SMYD3: variants seen among roughly 807,000 people sequenced by gnomAD.
The protein encoded by SMYD3 is histone-lysine N-methyltransferase SMYD3.
In SMYD3, 36 loss-of-function variants were observed where a neutral mutation model predicts 57.7. The observed-to-expected ratio is 0.62, with a 90% CI of 0.48 to 0.82. SMYD3 has a LOEUF of 0.82. Ranked by LOEUF, SMYD3 falls within the 40% of genes least tolerant of loss-of-function variation. The pLI is 0.00. For synonymous variants in SMYD3, 211 were observed against 195.0 expected (o/e 1.08, Z -0.68); for missense variants, 515 against 538.8 (o/e 0.96, Z 0.44).
intron 5 of SMYD3, among the ~76,000 whole-genome samples, chr1:246,070,023 C>T (rs1189471356): frequency 1.3e-5 from 2 of 152,264 alleles, no homozygotes; most frequent in East Asian, 3.9e-4. Context: ...AGGCCTAAAT[C>T]TGTGTTCAGA....
chr1:246,354,848 T>C (rs559864704), intron 2 of SMYD3, among the ~76,000 whole-genome samples, 183 bp downstream of exon 2: 2 of 152,294 alleles, frequency 1.3e-5, no homozygotes, highest in East Asian at 1.9e-4. Flanking sequence ...TAACCATATA[T>C]ATTTAACATC....
Position 245,854,912 on chromosome 1 carries a change from C to A in SMYD3, c.1076+3584G>T, listed in dbSNP as rs148756318. Among the ~76,000 whole-genome samples the A allele has an allele frequency of 1.6e-4, 25 of 152,214 alleles. No homozygotes were observed. The South Asian group carries it at 3.3e-3, about 20-fold the overall frequency. ...TGGAACCATTGTTCATGTTTTCTGGCGAAGGTTAGGATTACTGTTTACTTT... is the reference window on the plus strand; with the variant it reads ...TGGAACCATTGTTCATGTTTTCTGGAGAAGGTTAGGATTACTGTTTACTTT... On this transcript the variant is annotated intron_variant, in intron 10 of 11. Coordinates refer to ENST00000490107, the MANE Select transcript of SMYD3 (RefSeq NM_001167740.2).
intron 1 of SMYD3, among the ~76,000 whole-genome samples, chr1:246,467,293 T>C (rs1440305466): frequency 6.6e-6 from 1 of 152,190 alleles, no homozygotes; most frequent in Non-Finnish European, 1.5e-5. Context: ...AGATTTCACA[T>C]ACTTTAGGAT....
intron 5 of SMYD3, among the ~76,000 whole-genome samples, chr1:246,265,627 CA>C (rs1410738920): frequency 1.3e-5 from 2 of 152,160 alleles, no homozygotes; most frequent in African/African-American, 4.8e-5. Flanking sequence ...TCAGTATAAA[CA>C]AAACAACAAT....
intron 5 of SMYD3, among the ~76,000 whole-genome samples, chr1:246,114,500 C>T (rs1324641414): frequency 6.6e-6 from 1 of 152,234 alleles, no homozygotes; most frequent in Non-Finnish European, 1.5e-5. Context: ...TATACCCCAG[C>T]AGCACAATCC....
intron 5 of SMYD3, among the ~76,000 whole-genome samples, chr1:246,231,382 T>C (rs2063406616): frequency 6.6e-6 from 1 of 152,152 alleles, no homozygotes; most frequent in South Asian, 2.1e-4. Flanking sequence ...ATAAAATAAG[T>C]AAATATATAT....
chr1:245,803,424 G>A (rs952813919), intron 10 of SMYD3, among the ~76,000 whole-genome samples: 3 of 145,236 alleles, frequency 2.1e-5, no homozygotes, highest in Non-Finnish European at 4.4e-5. Context: ...CCAATTTCAC[G>A]TATGAACTGG....
At chr1:246,041,644 TA>T (rs1364343765) in intron 5 of SMYD3, among the ~76,000 whole-genome samples, 1 of 152,116 alleles carries the variant, frequency 6.6e-6, no homozygotes, top group East Asian at 1.9e-4. Context: ...TAGGTAACGC[TA>T]AAGGAAGAGA....
chr1:245,836,952 C>T (rs2050134407), intron 10 of SMYD3, among the ~76,000 whole-genome samples: 1 of 152,164 alleles, frequency 6.6e-6, no homozygotes, highest in South Asian at 2.1e-4. Flanking sequence ...CAGGATTTTT[C>T]AGGAGTGGGG....
intron 1 of SMYD3, among the ~76,000 whole-genome samples, chr1:246,505,615 A>T (rs2068525645): frequency 6.6e-6 from 1 of 152,154 alleles, no homozygotes. Context: ...TTAAAGCAAC[A>T]CTGAGAACTC....
At chr1:246,498,693 T>C (rs1300665641) in intron 1 of SMYD3, among the ~76,000 whole-genome samples, 1 of 140,640 alleles carries the variant, frequency 7.1e-6, no homozygotes, top group Non-Finnish European at 1.5e-5. Context: ...ATCGCACCAC[T>C]GCACTTTAGC....
chr1:245,793,010 T>C (rs2047340791), intron 10 of SMYD3, among the ~76,000 whole-genome samples: 1 of 152,192 alleles, frequency 6.6e-6, no homozygotes, highest in South Asian at 2.1e-4. Flanking sequence ...CATTTCTAGT[T>C]AGAAATATCT....
chr1:246,495,083 C>T (rs2068335959), intron 1 of SMYD3, among the ~76,000 whole-genome samples: 1 of 152,324 alleles, frequency 6.6e-6, no homozygotes, highest in East Asian at 1.9e-4. Flanking sequence ...GGCGCGGTGG[C>T]TCACGCCTGT....
intron 5 of SMYD3, among the ~76,000 whole-genome samples, chr1:246,130,812 T>A (rs1026017311): frequency 6.6e-6 from 1 of 152,192 alleles, no homozygotes; most frequent in Non-Finnish European, 1.5e-5. Context: ...CTATATTTCA[T>A]GCCATGAACA....
intron 5 of SMYD3, among the ~76,000 whole-genome samples, chr1:246,100,179 C>A (rs2060983903): frequency 6.6e-6 from 1 of 152,152 alleles, no homozygotes; most frequent in Non-Finnish European, 1.5e-5. Flanking sequence ...CCATTGCACT[C>A]TAGCCTGGTG....
At position 246,355,315 on chromosome 1, in the gene SMYD3, T is replaced by C. The variant is rs1379906957; in HGVS notation, c.165-221A>G. 1 of 518,740 alleles carries C rather than the reference T, an allele frequency of 1.9e-6. No homozygotes were observed. The highest frequency in any genetic ancestry group is 2.0e-5 in the African/African-American group (1 of 51,098). The allele number at this position is 518,740 out of a possible 1,614,324, so 32.1% of individuals were successfully genotyped here. A position where few individuals can be genotyped will look rare whatever the true frequency, so the allele number is the denominator to read the frequency against. Reference sequence around the variant, plus strand: ...CTAAGTCCTTTTGTCTGACAGAAGATGGCGGGGAAGAGGCAGGACCAGCTT... The same window carrying C: ...CTAAGTCCTTTTGTCTGACAGAAGACGGCGGGGAAGAGGCAGGACCAGCTT... On this transcript the variant is annotated intron_variant, in intron 1 of 11. Transcript: ENST00000490107. This position sits in a 1 kb window ranked among gnomAD's most constrained non-coding sequence, Gnocchi z 5.0.
Position 246,143,449 on chromosome 1 carries a change from G to A in SMYD3, c.531+183752C>T, listed in dbSNP as rs1054768406. On this transcript the variant is annotated intron_variant, in intron 5 of 11. Coordinates refer to ENST00000490107, the MANE Select transcript of SMYD3 (RefSeq NM_001167740.2). ...CCCAGCACTGTGGGAGGCCAAGGCA[G>A]GTGGATAGCTTGTTCAAGACCAACC... is the stretch of plus-strand genomic sequence containing the variant. Among the ~76,000 whole-genome samples the A allele has an allele frequency of 2.0e-5, 3 of 152,138 alleles. No homozygotes were observed. The East Asian group carries it at 5.8e-4, about 29-fold the overall frequency.
chr1:245,916,670 C>T (rs2055446384), intron 7 of SMYD3, among the ~76,000 whole-genome samples: 1 of 152,308 alleles, frequency 6.6e-6, no homozygotes, highest in African/African-American at 2.4e-5. Flanking sequence ...TGCCACCATC[C>T]TGGTCTGAGC....
At chr1:246,110,703 G>A (rs940565408) in intron 5 of SMYD3, among the ~76,000 whole-genome samples, 1 of 152,218 alleles carries the variant, frequency 6.6e-6, no homozygotes, top group Non-Finnish European at 1.5e-5. Context: ...GTGGCAAAGA[G>A]CCAAGTGATG....
Sources: allele counts gnomAD v4.1 joint callset (sites outside exome capture counted in the v4.1 genomes callset), GRCh38; gene constraint gnomAD v4.1.1; non-coding constraint Gnocchi (gnomAD v3.1); transcripts MANE v1.5; gene names NCBI Gene and HGNC (gene_info 2026-07-23, HGNC 2026-07-21).